SRRM4: variants seen among roughly 807,000 people sequenced by gnomAD.
The protein encoded by SRRM4 is serine/arginine repetitive matrix protein 4.
In SRRM4, 33 loss-of-function variants were observed where a neutral mutation model predicts 68.9. That is an observed-to-expected ratio of 0.48 (90% CI 0.36 to 0.64). The LOEUF (loss-of-function observed/expected upper bound fraction) is 0.64, where lower values mean the gene tolerates loss of function less well. Among genes scored for constraint, SRRM4 ranks in the 30% least tolerant of loss-of-function variants. The pLI is 0.00. For missense variants in SRRM4, 817 were observed against 827.1 expected, an observed-to-expected ratio of 0.99 and a Z score of 0.15; for synonymous variants, 318 against 318.8, an observed-to-expected ratio of 1.00 and a Z score of 0.03.
chr12:119,159,919 TC>T lies in SRRM4; in HGVS notation c.*3123del, dbSNP rs1954499387. On this transcript the variant is annotated 3_prime_UTR_variant, in exon 13 of 13. Transcript: ENST00000267260. ...AAAGGTGGAAGGAGCAGCCAGATGT[TC>T]CACAGGACCCCACCAAGAAGGTCAT... 1 of 150,640 alleles carries T rather than the reference TC, an allele frequency of 6.6e-6. No individual in the cohort carries two copies. The highest frequency in any genetic ancestry group is 1.5e-5 in the Non-Finnish European group (1 of 67,832). The allele number at this position is 150,640 out of a possible 1,614,324, so 9.3% of individuals were successfully genotyped here.
chr12:119,135,866 A>G (rs988675735), intron 8 of SRRM4, among the ~76,000 whole-genome samples: 1 of 152,110 alleles, frequency 6.6e-6, no homozygotes, highest in Non-Finnish European at 1.5e-5. Context: ...GTGCCATTTC[A>G]CGTCTTTGGG....
intron 1 of SRRM4, among the ~76,000 whole-genome samples, chr12:118,986,995 G>C (rs1385247540): frequency 1.3e-5 from 2 of 152,062 alleles, no homozygotes; most frequent in Admixed American, 6.5e-5. Flanking sequence ...AGCAAAACTA[G>C]AGCTCTTTAA....
Position 119,157,097 on chromosome 12 carries a change from A to C in SRRM4, c.*299A>C. 1 of 386,682 alleles carries C rather than the reference A, an allele frequency of 2.6e-6. No individual in the cohort carries two copies. Among genetic ancestry groups the C allele is most frequent in the East Asian group, 4.4e-5 (1 of 22,638 alleles). 24.0% of individuals were successfully genotyped at this position (386,682 alleles called of 1,614,324 possible). On this transcript the variant is annotated 3_prime_UTR_variant, in exon 13 of 13. Transcript: ENST00000267260. This position sits in a 1 kb window ranked among gnomAD's most constrained non-coding sequence, Gnocchi z 4.1. ...AAACTTCAAGGTTTTGTGAGAAGCA[A>C]TGGGTCTGTGACTCAAAAATTGAGC...
chr12:119,028,981 G>A (rs1398352675), intron 1 of SRRM4, among the ~76,000 whole-genome samples: 2 of 152,194 alleles, frequency 1.3e-5, no homozygotes, highest in Non-Finnish European at 2.9e-5. Flanking sequence ...ATAAAAAGGA[G>A]CAGGAAAATA....
chr12:119,157,082 G>A lies in SRRM4; in HGVS notation c.*284G>A, dbSNP rs1035488639. 2.1e-5 allele frequency: 9 copies of A among 429,112 alleles called. No individual in the cohort carries two copies. The highest frequency in any genetic ancestry group is 1.6e-4 in the African/African-American group (8 of 48,790). The allele number at this position is 429,112 out of a possible 1,614,324, so 26.6% of individuals were successfully genotyped here. A position where few individuals can be genotyped will look rare whatever the true frequency, so the allele number is the denominator to read the frequency against. On this transcript the variant is annotated 3_prime_UTR_variant, in exon 13 of 13. Coordinates refer to ENST00000267260, the MANE Select transcript of SRRM4 (RefSeq NM_194286.4). The surrounding 1 kb of genome is among the most constrained non-coding windows in gnomAD (Gnocchi z 4.1). ...AGAAGAAAGAAAAGAAAACTTCAAG[G>A]TTTTGTGAGAAGCAATGGGTCTGTG... is the stretch of plus-strand genomic sequence containing the variant.
chr12:119,153,576 G>A lies in SRRM4; in HGVS notation c.1318G>A (p.Gly440Ser), dbSNP rs1228240970. 1.3e-6 allele frequency: 2 copies of A among 1,576,866 alleles called. No individual in the cohort carries two copies. Among genetic ancestry groups the A allele is most frequent in the Non-Finnish European group, 1.7e-6 (2 of 1,162,054 alleles). The change falls in exon 11 of 13, where the codon GGC becomes AGC. Residue 440 changes from glycine (G) to serine (S), a missense_variant. Transcript: ENST00000267260. The part of the protein sequence containing the change: ...SRSPSYSSKS[G>S]KRSPPSRSSR... ...CTCTCCCAGCTATTCCTCCAAGTCT[G>A]GCAAGAGGAGCCCGCCCAGCAGAAG...
chr12:119,121,725 G>T (rs1954220250), intron 5 of SRRM4, among the ~76,000 whole-genome samples: 1 of 152,174 alleles, frequency 6.6e-6, no homozygotes, highest in African/African-American at 2.4e-5. Context: ...AGAATAAAAT[G>T]AAGTTGTTGA....
At chr12:119,108,698 T>C (rs1954123855) in intron 2 of SRRM4, among the ~76,000 whole-genome samples, 1 of 152,164 alleles carries the variant, frequency 6.6e-6, no homozygotes, top group Non-Finnish European at 1.5e-5. Context: ...TCCCTTTATT[T>C]TGAGCCTATG....
intron 1 of SRRM4, among the ~76,000 whole-genome samples, chr12:119,035,589 T>C (rs1953621465): frequency 6.6e-6 from 1 of 152,232 alleles, no homozygotes; most frequent in South Asian, 2.1e-4. Context: ...CTCATCTTTA[T>C]TTTTTAAAAA....
intron 2 of SRRM4, chr12:119,114,051 G>A: frequency 2.5e-6 from 1 of 395,324 alleles, no homozygotes; most frequent in Non-Finnish European, 4.7e-6. Context: ...TTAATAATCA[G>A]TTGGTGTTTG....
Position 119,019,306 on chromosome 12 carries a change from C to G in SRRM4, c.131+37293C>G, listed in dbSNP as rs149435027. Among the ~76,000 whole-genome samples the G allele has an allele frequency of 4.0e-3, 616 of 152,300 alleles. 6 individuals carry two copies. The highest frequency in any genetic ancestry group is 0.014 in the African/African-American group (579 of 41,558). On this transcript the variant is annotated intron_variant, in intron 1 of 12. Coordinates refer to ENST00000267260, the MANE Select transcript of SRRM4 (RefSeq NM_194286.4). The stretch of plus-strand genomic sequence containing the variant: ...AACAATCAAATCCTAATCAAAGACA[C>G]GTCAACCATCCCCCGGGTTGAAATA...
At chr12:119,005,210 A>G (rs1953408923) in intron 1 of SRRM4, among the ~76,000 whole-genome samples, 1 of 152,164 alleles carries the variant, frequency 6.6e-6, no homozygotes, top group Non-Finnish European at 1.5e-5. Flanking sequence ...TCCTGTCCCA[A>G]CCCTGGAGAG....
rs765538863 is a variant in SRRM4, at chr12:119,130,856, C to G, written c.771+22C>G. Reference sequence around the variant, plus strand: ...TGTAGTAAGTATTCTTCACAGCCTCCTCTGCCAGCCTTGGCCACGACACTT... The same window carrying G: ...TGTAGTAAGTATTCTTCACAGCCTCGTCTGCCAGCCTTGGCCACGACACTT... On this transcript the variant is annotated intron_variant, in intron 8 of 12. Transcript: ENST00000267260. 3 of 1,596,336 alleles carry G rather than the reference C, an allele frequency of 1.9e-6. No homozygotes were observed. The South Asian group carries it at 3.3e-5, about 18-fold the overall frequency.
intron 1 of SRRM4, among the ~76,000 whole-genome samples, chr12:118,999,631 T>C (rs1020392281): frequency 1.3e-5 from 2 of 152,210 alleles, no homozygotes; most frequent in Non-Finnish European, 2.9e-5. Context: ...TGTTAGGCAT[T>C]ACACTAAGCA....
intron 1 of SRRM4, among the ~76,000 whole-genome samples, chr12:119,097,225 AAGGCTGGAGGT>A (rs1396218566): frequency 6.6e-6 from 1 of 152,244 alleles, no homozygotes. Flanking sequence ...GCAAAGATGC[AAGGCTGGAGGT>A]AGGGAAGGGA....
intron 8 of SRRM4, among the ~76,000 whole-genome samples, chr12:119,144,240 C>T (rs76725855): frequency 0.011 from 1,732 of 152,234 alleles, 14 homozygotes; most frequent in African/African-American, 0.027. Flanking sequence ...ATATTCACAC[C>T]TAGGTAGTAG....
At chr12:119,125,649 C>T (rs962478353) in intron 7 of SRRM4, among the ~76,000 whole-genome samples, 170 bp downstream of exon 7, 1 of 152,112 alleles carries the variant, frequency 6.6e-6, no homozygotes, top group Non-Finnish European at 1.5e-5. Context: ...AGCCTGGGTG[C>T]GGTGGCTCAC....
At chr12:119,002,207 G>A (rs114157253) in intron 1 of SRRM4, among the ~76,000 whole-genome samples, 3,120 of 151,872 alleles carry the variant, frequency 0.021, 121 homozygotes, top group African/African-American at 0.071. Flanking sequence ...GATGCTGATT[G>A]CGAAAAGAAA....
chr12:119,154,466 A>T lies in SRRM4; in HGVS notation c.1532+83A>T. On this transcript the variant is annotated intron_variant, in intron 12 of 12. Transcript: ENST00000267260. The surrounding 1 kb of genome is among the most constrained non-coding windows in gnomAD (Gnocchi z 4.7). ...CTCATTCGAGCCTCAGGCTCTCCCT[A>T]GGCCTCCTTGGGGCTGGGATTTAGG... The T allele has an allele frequency of 6.7e-7, 1 of 1,501,654 alleles. No individual in the cohort carries two copies. Among genetic ancestry groups the T allele is most frequent in the Non-Finnish European group, 9.1e-7 (1 of 1,100,096 alleles). 93.0% of individuals were successfully genotyped at this position (1,501,654 alleles called of 1,614,324 possible).
Sources: gnomAD v4.1 joint callset for allele counts (sites outside exome capture counted in the v4.1 genomes callset) on GRCh38, gnomAD v4.1.1 for gene constraint, Gnocchi (gnomAD v3.1) non-coding constraint, MANE v1.5 for transcripts, NCBI Gene and HGNC (gene_info 2026-07-23, HGNC 2026-07-21) for gene names.